ITPK1: variants seen among roughly 807,000 people sequenced by gnomAD.
ITPK1 encodes the protein inositol 1,3,4-trisphosphate 5/6-kinase.
In ITPK1, 21 loss-of-function variants were observed where a neutral mutation model predicts 45.3. The ratio of observed to expected loss-of-function variants is 0.46; its 90% CI spans 0.33 to 0.67. The LOEUF is 0.67. ITPK1 is among the 30% of genes least tolerant of loss of function. ITPK1 has a pLI of 0.02. For missense variants in ITPK1, 474 were observed against 573.5 expected (o/e 0.83, Z 1.77); for synonymous variants, 258 against 253.6 (o/e 1.02, Z -0.16).
At position 92,941,627 on chromosome 14, in the gene ITPK1, G is replaced by A. The variant is rs903889402; in HGVS notation, c.1179C>T (p.Ala393=). ...GCTGCTGGAAGCTGGGCGACACGCC[G>A]GCGTTGCAGCCGAGTCTCTGGTGCG... ...KLPHQRLGCN[A]GVSPSFQQHC... The change falls in exon 11 of 11, where the codon GCC becomes GCT. Residue 393 remains alanine (A), a synonymous_variant. Coordinates refer to ENST00000267615, the MANE Select transcript of ITPK1 (RefSeq NM_014216.6). 131 of 1,538,684 alleles carry A rather than the reference G, an allele frequency of 8.5e-5. No individual in the cohort carries two copies. The highest frequency in any genetic ancestry group is 4.6e-4 in the Middle Eastern group (2 of 4,392).
chr14:92,947,599 T>TCCAA (rs1490593540), intron 9 of ITPK1, among the ~76,000 whole-genome samples: 16 of 152,340 alleles, frequency 1.1e-4, no homozygotes, highest in African/African-American at 3.4e-4. Context: ...GGCCTCCATC[T>TCCAA]CAGACTTATG....
intron 5 of ITPK1, among the ~76,000 whole-genome samples, chr14:92,976,289 G>C (rs2139772511): frequency 6.6e-6 from 1 of 152,296 alleles, no homozygotes; most frequent in East Asian, 1.9e-4. Context: ...CCTAAATGCT[G>C]TTCCCTTGAA....
intron 4 of ITPK1, among the ~76,000 whole-genome samples, chr14:92,994,312 C>T (rs1886941973): frequency 6.6e-6 from 1 of 152,212 alleles, no homozygotes; most frequent in Admixed American, 6.5e-5. Context: ...ACTGGCTCCT[C>T]TGGGAGTGGC....
intron 2 of ITPK1, among the ~76,000 whole-genome samples, chr14:93,114,427 T>G (rs8008447): frequency 0.28 from 42,286 of 152,154 alleles, 6,477 homozygotes; most frequent in African/African-American, 0.41. Context: ...GACCCCAAGC[T>G]AGGTACCCCG....
At chr14:93,079,007 T>G (rs1450233509) in intron 2 of ITPK1, among the ~76,000 whole-genome samples, 2 of 151,954 alleles carry the variant, frequency 1.3e-5, no homozygotes, top group African/African-American at 4.8e-5. Context: ...GGCCTCGGTT[T>G]CCCTCTGAGT....
rs191537907 is a variant in ITPK1 at position 93,101,565 on chromosome 14, G to A, written c.95+13504C>T. Among the ~76,000 whole-genome samples, 870 of 152,266 alleles carry A rather than the reference G, an allele frequency of 5.7e-3. 15 individuals are homozygous for A. Among genetic ancestry groups the A allele is most frequent in the African/African-American group, 0.02 (817 of 41,546 alleles). On this transcript the variant is annotated intron_variant, in intron 2 of 10. Transcript: ENST00000267615. The stretch of plus-strand genomic sequence containing the variant: ...ACAGTCATCCACCTAGTAAGAAGCC[G>A]AGGCCGGGCACGGTGGTTCACGCCT...
chr14:93,061,825 T>C (rs906833652), intron 3 of ITPK1, among the ~76,000 whole-genome samples: 5 of 152,210 alleles, frequency 3.3e-5, no homozygotes, highest in African/African-American at 1.2e-4. Flanking sequence ...ATGGTCAGCA[T>C]CAACCAAGGG....
At chr14:93,053,890 G>A (rs977296058) in intron 3 of ITPK1, among the ~76,000 whole-genome samples, 2 of 152,174 alleles carry the variant, frequency 1.3e-5, no homozygotes, top group African/African-American at 4.8e-5. Flanking sequence ...GGAGGTAGAC[G>A]GGACAGCCAG....
chr14:93,115,267 G>A lies in ITPK1; in HGVS notation c.-104C>T. 1 of 713,044 alleles carries A rather than the reference G, an allele frequency of 1.4e-6. No homozygotes were observed. The highest frequency in any genetic ancestry group is 2.3e-6 in the Non-Finnish European group (1 of 427,896). 44.2% of individuals were successfully genotyped at this position (713,044 alleles called of 1,614,324 possible). A position where few individuals can be genotyped will look rare whatever the true frequency, so the allele number is the denominator to read the frequency against. ...CGAGTGGGCACCTCCTCCCGGCGGC[G>A]GGGACGCGGAACGGGGATCGGAGCT... On this transcript the variant is annotated 5_prime_UTR_variant, in exon 2 of 11. Transcript: ENST00000267615.
chr14:93,097,995 A>G (rs1040708664), intron 2 of ITPK1, among the ~76,000 whole-genome samples: 29 of 151,722 alleles, frequency 1.9e-4, no homozygotes, highest in Admixed American at 1.1e-3. Flanking sequence ...GGGCGACAAG[A>G]GCAAAACTCC....
intron 3 of ITPK1, among the ~76,000 whole-genome samples, chr14:93,024,748 G>A (rs959025938): frequency 6.6e-6 from 1 of 152,196 alleles, no homozygotes; most frequent in African/African-American, 2.4e-5. Context: ...TACACATGAA[G>A]CAAGGAAGTC....
chr14:92,989,359 AC>A (rs747715379), intron 5 of ITPK1, among the ~76,000 whole-genome samples: 6 of 152,040 alleles, frequency 3.9e-5, no homozygotes, highest in African/African-American at 7.3e-5. Context: ...CAGGAGAGCC[AC>A]CCATCACCCC....
In ITPK1 at chr14:93,000,974, TA is replaced by T. The variant is rs201265189; in HGVS notation, c.247-6978del. 8.7e-3 allele frequency among the ~76,000 whole-genome samples: 713 copies of T among 81,888 alleles called. 4 individuals are homozygous for T. Among genetic ancestry groups the T allele is most frequent in the African/African-American group, 0.011 (209 of 19,706 alleles). The allele number at this position is 81,888 out of a possible 152,430, so 53.7% of individuals were successfully genotyped here. ...CTGAGAGATAAAGTGAGACTCCAACTAAAAAAAAAAAAAAAAAAAAAAAGGC... is the reference window on the plus strand; with the variant it reads ...CTGAGAGATAAAGTGAGACTCCAACTAAAAAAAAAAAAAAAAAAAAAAGGC... On this transcript the variant is annotated intron_variant, in intron 4 of 10. Coordinates refer to ENST00000267615, the MANE Select transcript of ITPK1 (RefSeq NM_014216.6).
chr14:92,949,736 C>A (rs146962648), intron 9 of ITPK1, among the ~76,000 whole-genome samples: 4 of 152,362 alleles, frequency 2.6e-5, no homozygotes, highest in East Asian at 1.9e-4. Context: ...CCCCATGGCA[C>A]GCCATTTACA....
chr14:92,982,064 C>T (rs1049736801), intron 5 of ITPK1, among the ~76,000 whole-genome samples: 16 of 152,154 alleles, frequency 1.1e-4, no homozygotes, highest in East Asian at 5.8e-4. Flanking sequence ...TGGGCAGGGG[C>T]GACATGCCCC....
At chr14:93,000,974 TAAA>T (rs201265189) in intron 4 of ITPK1, among the ~76,000 whole-genome samples, 1 of 81,960 alleles carries the variant, frequency 1.2e-5, no homozygotes, top group African/African-American at 5.1e-5. Context: ...AGACTCCAAC[TAAA>T]AAAAAAAAAA....
At chr14:93,061,960 C>T (rs921374367) in intron 3 of ITPK1, among the ~76,000 whole-genome samples, 2 of 152,196 alleles carry the variant, frequency 1.3e-5, no homozygotes, top group Non-Finnish European at 2.9e-5. Flanking sequence ...GAACAGATTA[C>T]AACAGAACCA....
intron 9 of ITPK1, among the ~76,000 whole-genome samples, chr14:92,950,203 G>C (rs1277994067): frequency 6.6e-6 from 1 of 152,244 alleles, no homozygotes; most frequent in Non-Finnish European, 1.5e-5. Flanking sequence ...CCATCCGCAG[G>C]GGCATCCCAC....
intron 3 of ITPK1, among the ~76,000 whole-genome samples, chr14:93,042,006 T>C (rs1230486199): frequency 6.6e-6 from 1 of 152,140 alleles, no homozygotes; most frequent in Non-Finnish European, 1.5e-5. Flanking sequence ...ACCTACTAAA[T>C]GACAACAGCA....
Sources: allele counts gnomAD v4.1 joint callset (sites outside exome capture counted in the v4.1 genomes callset), GRCh38; gene constraint gnomAD v4.1.1; transcripts MANE v1.5; gene names NCBI Gene and HGNC (gene_info 2026-07-23, HGNC 2026-07-21).